The following ISG20L2 variants were observed in gnomAD, a reference collection of about 807,000 sequenced individuals.
ISG20L2 encodes interferon stimulated exonuclease gene 20 like 2, also known as interferon-stimulated 20 kDa exonuclease-like 2.
In ISG20L2, 14 loss-of-function variants were observed where a neutral mutation model predicts 27.8. The observed-to-expected ratio is 0.50, with a 90% CI of 0.33 to 0.79. The LOEUF (loss-of-function observed/expected upper bound fraction) is 0.79. Ranked by LOEUF, ISG20L2 falls within the 30% of genes least tolerant of loss-of-function variation. The pLI is 0.02. For missense variants in ISG20L2, 393 were observed against 435.1 expected (o/e 0.90, Z 0.86); for synonymous variants, 157 against 165.7 (o/e 0.95, Z 0.40).
At chr1:156,728,354 C>G (rs1477750508) in intron 1 of ISG20L2, 61 bp downstream of exon 1, 1 of 985,640 alleles carries the variant, frequency 1.0e-6, no homozygotes, top group African/African-American at 1.7e-5. Flanking sequence ...GGCAGCCCAC[C>G]TGGATAAGCA....
rs574847654 is a variant in ISG20L2, at chr1:156,728,472, GCGCGC to G, written c.-180_-176del. The stretch of plus-strand genomic sequence containing the variant: ...TCCGGAGCCGGATGCGGAAATCGGT[GCGCGC>G]CGACGAAGCCCGGGAAGGCAGGCGC... On this transcript the variant is annotated 5_prime_UTR_variant, in exon 1 of 4. Coordinates refer to ENST00000368219, the MANE Select transcript of ISG20L2 (RefSeq NM_001370150.2). The G allele has an allele frequency of 6.8e-4, 673 of 985,730 alleles. 4 individuals carry two copies. In the African/African-American group the frequency reaches 0.011, roughly 15 times the overall value. The allele number at this position is 985,730 out of a possible 1,614,324, so 61.1% of individuals were successfully genotyped here. A position where few individuals can be genotyped will look rare whatever the true frequency, so the allele number is the denominator to read the frequency against.
Position 156,724,298 on chromosome 1 carries a change from G to C in ISG20L2, c.798C>G (p.Asn266Lys). ...GAAAGTACTGAAGGGCTTTGAAGTC[G>C]TTGTGGATGGCATGCCCCACCACTA... is the stretch of plus-strand genomic sequence containing the variant. ...GKIVVGHAIH[N>K]DFKALQYFHP... is the part of the protein sequence containing the mutation. The change falls in exon 3 of 4, where the codon AAC (asparagine) becomes AAG (lysine). Residue 266 changes from asparagine to lysine, a missense_variant. This residue lies in a region of ISG20L2 where 171 missense variants were observed against 195.3 expected (regional missense o/e 0.88). Transcript: ENST00000368219. 6.2e-7 allele frequency: 1 copy of C among 1,613,872 alleles called. No homozygotes were observed. The highest frequency in any genetic ancestry group is 8.5e-7 in the Non-Finnish European group (1 of 1,179,790).
Position 156,724,182 on chromosome 1 carries a change from T to A in ISG20L2, c.914A>T (p.His305Leu). The stretch of plus-strand genomic sequence containing the variant: ...CCGGTTTAGCAGCTTCTTGGTGAGA[T>A]GCTTCAGAGACATGGTGGCATTCTC... ...CPENATMSLK[H>L]LTKKLLNRDI... The change falls in exon 3 of 4, where the codon CAT becomes CTT. Residue 305 changes from histidine (H) to leucine (L), a missense_variant. His to Leu is a moderately conservative substitution (Grantham distance 99). Transcript: ENST00000368219. 1 of 1,612,108 alleles carries A rather than the reference T, an allele frequency of 6.2e-7. No homozygotes were observed. Among genetic ancestry groups the A allele is most frequent in the South Asian group, 1.1e-5 (1 of 91,024 alleles).
rs1391889382 is a variant in ISG20L2 at position 156,724,181 on chromosome 1, A to G, written c.915T>C (p.His305=). 1 of 1,611,974 alleles carries G rather than the reference A, an allele frequency of 6.2e-7. No homozygotes were observed. The highest frequency in any genetic ancestry group is 8.5e-7 in the Non-Finnish European group (1 of 1,179,162). The change falls in exon 3 of 4, where the codon CAT becomes CAC. Residue 305 remains histidine, a synonymous_variant. Transcript: ENST00000368219. ...CPENATMSLK[H]LTKKLLNRDI... ...CCCGGTTTAGCAGCTTCTTGGTGAG[A>G]TGCTTCAGAGACATGGTGGCATTCT... is the stretch of plus-strand genomic sequence containing the variant.
In ISG20L2 at chr1:156,727,331, T is replaced by C. The variant is rs889373632; in HGVS notation, c.322A>G (p.Lys108Glu). 2 of 1,614,204 alleles carry C rather than the reference T, an allele frequency of 1.2e-6. No homozygotes were observed. The highest frequency in any genetic ancestry group is 4.5e-5 in the East Asian group (2 of 44,876). The change falls in exon 2 of 4, where the codon AAG becomes GAG. Residue 108 changes from lysine to glutamate, a missense_variant. By Grantham distance (56) the Lys-to-Glu change is moderately conservative (BLOSUM62 1). Coordinates refer to ENST00000368219, the MANE Select transcript of ISG20L2 (RefSeq NM_001370150.2). ...VSWLTPAPSKKADSVAAKVDL... is the reference protein window; with the variant it reads ...VSWLTPAPSKEADSVAAKVDL... ...ACTTTAGCAGCAACAGAATCAGCCT[T>C]TTTTGAAGGGGCAGGGGTCAACCAA...
Position 156,722,180 on chromosome 1 carries a change from C to G in ISG20L2, c.*1169G>C, listed in dbSNP as rs562715095. The G allele has an allele frequency of 6.6e-6, 1 of 152,222 alleles. No individual in the cohort carries two copies. Among genetic ancestry groups the G allele is most frequent in the East Asian group, 1.9e-4 (1 of 5,174 alleles). The allele number at this position is 152,222 out of a possible 1,614,324, so 9.4% of individuals were successfully genotyped here. ...GCTCTGGAAGTCAAGGTGGGAAGAA[C>G]AGGCAATATCCTGACACAGGCTAGA... On this transcript the variant is annotated 3_prime_UTR_variant, in exon 4 of 4. Transcript: ENST00000368219.
intron 3 of ISG20L2, 77 bp downstream of exon 3, chr1:156,724,071 C>T (rs1181115570): frequency 7.4e-7 from 1 of 1,353,832 alleles, no homozygotes; most frequent in Admixed American, 1.7e-5. Flanking sequence ...CACAGGACTT[C>T]TGAGATCAGA....
At chr1:156,726,407 T>G (rs1280058552) in intron 2 of ISG20L2, 2 of 985,242 alleles carry the variant, frequency 2.0e-6, no homozygotes, top group Non-Finnish European at 2.4e-6. Context: ...AGACCCAATT[T>G]AGAACCTAAA....
At position 156,724,238 on chromosome 1, in the gene ISG20L2, G is replaced by T. The variant is rs141168468; in HGVS notation, c.858C>A (p.Ile286=). The change falls in exon 3 of 4, where the codon ATC becomes ATA. Residue 286 remains isoleucine, a synonymous_variant. Coordinates refer to ENST00000368219, the MANE Select transcript of ISG20L2 (RefSeq NM_001370150.2). ...PKSLTRDTSH[I]PPLNRKADCP... ...AGTCAGCCTTCCGGTTGAGGGGGGG[G>T]ATATGGGAGGTGTCACGGGTGAGGG... The T allele has an allele frequency of 1.9e-6, 3 of 1,612,380 alleles. No homozygotes were observed. Among genetic ancestry groups the T allele is most frequent in the Non-Finnish European group, 2.5e-6 (3 of 1,178,724 alleles).
Position 156,728,541 on chromosome 1 carries a change from C to T in ISG20L2, c.-244G>A, listed in dbSNP as rs1005298587. ...CGCCAGAGGTCGGCGCGCGCACACC[C>T]GCACCGCCCCGACCCCAGGTAGTGA... On this transcript the variant is annotated 5_prime_UTR_variant, in exon 1 of 4. Transcript: ENST00000368219. 1.1e-5 allele frequency: 11 copies of T among 985,620 alleles called. No individual in the cohort carries two copies. The African/African-American group carries it at 1.7e-4, about 16-fold the overall frequency. The allele number at this position is 985,620 out of a possible 1,614,324, so 61.1% of individuals were successfully genotyped here. A position where few individuals can be genotyped will look rare whatever the true frequency, so the allele number is the denominator to read the frequency against.
intron 2 of ISG20L2, chr1:156,725,830 C>T (rs1480143710): frequency 3.3e-5 from 32 of 975,222 alleles, no homozygotes; most frequent in Non-Finnish European, 3.9e-5. Flanking sequence ...CTCTTCTTTC[C>T]GTCTTTTCTA....
intron 2 of ISG20L2, chr1:156,726,362 T>C: frequency 3.0e-6 from 3 of 985,386 alleles, no homozygotes; most frequent in Non-Finnish European, 3.6e-6. Context: ...TTTCATCACT[T>C]GCTGTTATTT....
chr1:156,727,242 C>T lies in ISG20L2; in HGVS notation c.411G>A (p.Gln137=), dbSNP rs779584129. The part of the protein sequence containing the change: ...PKINSHPTRS[Q]KKSSQKKSSK... ...AGGATTTCTTCTGGGAGCTCTTCTT[C>T]TGAGAGCGGGTTGGGTGGCTATTGA... The change falls in exon 2 of 4, where the codon CAG becomes CAA. Residue 137 remains glutamine, a synonymous_variant. Coordinates refer to ENST00000368219, the MANE Select transcript of ISG20L2 (RefSeq NM_001370150.2). 6 of 1,614,042 alleles carry T rather than the reference C, an allele frequency of 3.7e-6. No individual in the cohort carries two copies. The African/African-American group carries it at 6.7e-5, about 18-fold the overall frequency.
At chr1:156,725,868 A>T (rs1035129336) in intron 2 of ISG20L2, 3 of 985,358 alleles carry the variant, frequency 3.0e-6, no homozygotes. Context: ...ACCTCTAACG[A>T]ACCTCCTCCA....
rs1648565655 is a variant in ISG20L2, at chr1:156,722,198, A to C, written c.*1151T>G. ...GGAAGAACAGGCAATATCCTGACAC[A>C]GGCTAGATACAGACTCTGAGCCAAA... is the stretch of plus-strand genomic sequence containing the variant. On this transcript the variant is annotated 3_prime_UTR_variant, in exon 4 of 4. Transcript: ENST00000368219. The C allele has an allele frequency of 6.6e-6, 1 of 152,186 alleles. No homozygotes were observed. Among genetic ancestry groups the C allele is most frequent in the Non-Finnish European group, 1.5e-5 (1 of 68,048 alleles). 9.4% of individuals were successfully genotyped at this position (152,186 alleles called of 1,614,324 possible).
At position 156,725,936 on chromosome 1, in the gene ISG20L2, C is replaced by A. The variant is rs1293043647; in HGVS notation, c.747+970G>T. 3.0e-6 allele frequency: 3 copies of A among 985,420 alleles called. No individual in the cohort carries two copies. In the African/African-American group the frequency reaches 5.2e-5, roughly 17 times the overall value. 61.0% of individuals were successfully genotyped at this position (985,420 alleles called of 1,614,324 possible). A position where few individuals can be genotyped will look rare whatever the true frequency, so the allele number is the denominator to read the frequency against. Reference sequence around the variant, plus strand: ...GTGTCCAGAGAGGGCAGAGTGTGGACCTGAAACTGCAAAGACGTGGACCAA... The same window carrying A: ...GTGTCCAGAGAGGGCAGAGTGTGGAACTGAAACTGCAAAGACGTGGACCAA... On this transcript the variant is annotated intron_variant, in intron 2 of 3. Coordinates refer to ENST00000368219, the MANE Select transcript of ISG20L2 (RefSeq NM_001370150.2).
At chr1:156,723,553 C>T in intron 3 of ISG20L2, 91 bp from the exon 4 acceptor site, 1 of 1,558,704 alleles carries the variant, frequency 6.4e-7, no homozygotes, top group South Asian at 1.2e-5. Context: ...CCCCCTGCCT[C>T]CGCTACACAG....
At chr1:156,723,646 G>A in intron 3 of ISG20L2, 184 bp from the exon 4 acceptor site, 2 of 985,296 alleles carry the variant, frequency 2.0e-6, no homozygotes, top group Non-Finnish European at 2.4e-6. Context: ...TCAACTCCTA[G>A]GAAGTCTTTG....
intron 2 of ISG20L2, chr1:156,726,234 C>T (rs947072774): frequency 5.1e-6 from 5 of 985,232 alleles, no homozygotes; most frequent in Non-Finnish European, 6.0e-6. Flanking sequence ...TTGCCCCAGG[C>T]TACTTTTTGC....
Sources: allele counts gnomAD v4.1 joint callset, GRCh38; gene constraint gnomAD v4.1.1; regional missense constraint gnomAD v4.1.1; transcripts MANE v1.5; gene names NCBI Gene and HGNC (gene_info 2026-07-23, HGNC 2026-07-21).